CCDC178: variants seen among roughly 807,000 people sequenced by gnomAD.
The protein encoded by CCDC178 is coiled-coil domain containing 178.
Under a neutral mutation model 117.4 loss-of-function variants are expected in CCDC178, and 126 were observed. The observed-to-expected ratio is 1.07, with a 90% CI of 0.93 to 1.24. CCDC178 has a LOEUF of 1.24. CCDC178 is among the 50% of genes most tolerant of loss of function. The pLI, the probability that CCDC178 is intolerant of heterozygous loss-of-function variation, is 0.00. For synonymous variants in CCDC178, 283 were observed against 313.4 expected, an observed-to-expected ratio of 0.90 and a Z score of 1.02; for missense variants, 1,030 against 986.9, an observed-to-expected ratio of 1.04 and a Z score of -0.59.
At position 33,160,345 on chromosome 18, in the gene CCDC178, A is replaced by G. The variant is rs186928815; in HGVS notation, c.2238+51551T>C. ...CAGATGTCCTCTTTTAATTTACTTGACATATATGTCTTTTTAGCCACGTTT... is the reference window on the plus strand; with the variant it reads ...CAGATGTCCTCTTTTAATTTACTTGGCATATATGTCTTTTTAGCCACGTTT... On this transcript the variant is annotated intron_variant, in intron 20 of 22. Transcript: ENST00000383096. 1.7e-4 allele frequency among the ~76,000 whole-genome samples: 26 copies of G among 152,266 alleles called. No homozygotes were observed. In the East Asian group the frequency reaches 4.2e-3, roughly 25 times the overall value.
At chr18:33,233,202 T>C (rs1403326139) in intron 15 of CCDC178, among the ~76,000 whole-genome samples, 1 of 152,144 alleles carries the variant, frequency 6.6e-6, no homozygotes, top group Non-Finnish European at 1.5e-5. Context: ...AAGTTGTATT[T>C]TTAGAAATAA....
At chr18:32,939,942 C>A (rs368779378) in intron 22 of CCDC178, among the ~76,000 whole-genome samples, 156 of 152,110 alleles carry the variant, frequency 1.0e-3, no homozygotes, top group African/African-American at 3.6e-3. Flanking sequence ...CTAGATGAAG[C>A]CTTGCTTTAA....
At chr18:33,359,390 T>TAAAA in intron 6 of CCDC178, among the ~76,000 whole-genome samples, 1 of 151,714 alleles carries the variant, frequency 6.6e-6, no homozygotes, top group Non-Finnish European at 1.5e-5. Context: ...ATTAAAAAAT[T>TAAAA]ACTTTAGTCA....
intron 21 of CCDC178, among the ~76,000 whole-genome samples, chr18:33,077,354 G>T (rs911230832): frequency 3.9e-5 from 6 of 152,064 alleles, no homozygotes; most frequent in African/African-American, 1.4e-4. Flanking sequence ...TGCATATGTT[G>T]AAGTCCTAAC....
intron 5 of CCDC178, among the ~76,000 whole-genome samples, chr18:33,384,695 C>A (rs537275958): frequency 6.6e-6 from 1 of 152,266 alleles, no homozygotes; most frequent in African/African-American, 2.4e-5. Context: ...GTCTGCCTTG[C>A]AAGAGCTTCT....
chr18:33,120,184 T>G (rs1395840024), intron 20 of CCDC178, among the ~76,000 whole-genome samples: 1 of 146,854 alleles, frequency 6.8e-6, no homozygotes, highest in Non-Finnish European at 1.5e-5. Flanking sequence ...TAAAGTATAA[T>G]AATAAAGAAA....
At position 33,035,761 on chromosome 18, in the gene CCDC178, T is replaced by C. The variant is rs1157756541; in HGVS notation, c.2388+57000A>G. On this transcript the variant is annotated intron_variant, in intron 21 of 22. Coordinates refer to ENST00000383096, the MANE Select transcript of CCDC178 (RefSeq NM_001105528.4). ...TCATTACATATTGCATAAGTATTAA[T>C]ATATCAAATCATCACATTGTATACC... Among the ~76,000 whole-genome samples the C allele has an allele frequency of 5.3e-5, 8 of 152,140 alleles. No homozygotes were observed. The East Asian group carries it at 1.5e-3, about 29-fold the overall frequency.
intron 5 of CCDC178, among the ~76,000 whole-genome samples, chr18:33,388,228 C>T (rs1255762247): frequency 6.6e-6 from 1 of 152,020 alleles, no homozygotes; most frequent in Non-Finnish European, 1.5e-5. Flanking sequence ...ATGCTAGTGA[C>T]GTTGCAGAGA....
chr18:33,333,333 A>T lies in CCDC178; in HGVS notation c.720T>A (p.Asn240Lys). ...TTTGTTTTTCAAAATGTTGTAGTTG[A>T]TTAGCTTTATCTTCAAGATGCCATT... Reference protein sequence around the residue: ...ELQWHLEDKANQLQHFEKQKT... With the variant: ...ELQWHLEDKAKQLQHFEKQKT... The change falls in exon 10 of 23, where the codon AAT (asparagine) becomes AAA (lysine). Residue 240 changes from asparagine (N) to lysine (K), a missense_variant. Asn to Lys is a moderately conservative substitution (Grantham distance 94). Transcript: ENST00000383096. 1 of 1,612,568 alleles carries T rather than the reference A, an allele frequency of 6.2e-7. No individual in the cohort carries two copies. The highest frequency in any genetic ancestry group is 8.5e-7 in the Non-Finnish European group (1 of 1,179,262).
At chr18:33,386,963 A>G (rs2063501796) in intron 5 of CCDC178, among the ~76,000 whole-genome samples, 2 of 152,126 alleles carry the variant, frequency 1.3e-5, no homozygotes, top group South Asian at 4.1e-4. Context: ...TTATCTAGAA[A>G]ACCCCATCGA....
In CCDC178 at chr18:33,429,372, C is replaced by CAG. The variant is rs1235900552; in HGVS notation, c.-23+10588_-23+10589dup. On this transcript the variant is annotated intron_variant, in intron 2 of 22. Transcript: ENST00000383096. The stretch of plus-strand genomic sequence containing the variant: ...AGAAGGAGGGAGGGGGAGAGAGAGA[C>CAG]AGACAGAGAGAGAGAGAGAGCAAGC... Among the ~76,000 whole-genome samples, 309 of 149,800 alleles carry CAG rather than the reference C, an allele frequency of 2.1e-3. 1 individual carries two copies. The highest frequency in any genetic ancestry group is 0.011 in the Admixed American group (166 of 15,020).
intron 12 of CCDC178, among the ~76,000 whole-genome samples, chr18:33,289,929 A>C (rs2060146785): frequency 1.3e-5 from 2 of 152,164 alleles, no homozygotes; most frequent in African/African-American, 4.8e-5. Context: ...CACAAACTTT[A>C]TTAATAATTC....
intron 6 of CCDC178, among the ~76,000 whole-genome samples, chr18:33,363,835 G>C (rs1260295866): frequency 6.6e-6 from 1 of 152,076 alleles, no homozygotes; most frequent in East Asian, 1.9e-4. Flanking sequence ...ATTGTAGTTT[G>C]CATTTGGGGA....
intron 22 of CCDC178, among the ~76,000 whole-genome samples, chr18:32,961,655 G>A (rs889430344): frequency 1.3e-5 from 2 of 152,058 alleles, no homozygotes; most frequent in African/African-American, 4.8e-5. Context: ...TCAGGCATTC[G>A]ATTCTCATAA....
intron 20 of CCDC178, among the ~76,000 whole-genome samples, chr18:33,206,859 C>CTCTA (rs1311852223): frequency 6.6e-6 from 1 of 152,122 alleles, no homozygotes; most frequent in African/African-American, 2.4e-5. Context: ...GGTAAGTTTG[C>CTCTA]TAGAAGCCCC....
At chr18:33,281,045 A>T (rs2060019057) in intron 12 of CCDC178, among the ~76,000 whole-genome samples, 1 of 152,060 alleles carries the variant, frequency 6.6e-6, no homozygotes, top group Non-Finnish European at 1.5e-5. Flanking sequence ...TGGCACATGG[A>T]TACATATGTA....
intron 21 of CCDC178, among the ~76,000 whole-genome samples, chr18:33,026,779 C>T (rs748210874): frequency 6.6e-6 from 1 of 151,630 alleles, no homozygotes; most frequent in Non-Finnish European, 1.5e-5. Context: ...AAACATAAGA[C>T]AAATGAAGAA....
chr18:33,192,774 G>A (rs1036104096), intron 20 of CCDC178, among the ~76,000 whole-genome samples: 8 of 151,668 alleles, frequency 5.3e-5, no homozygotes, highest in South Asian at 2.1e-4. Flanking sequence ...GGTGGCGGGT[G>A]CCTGTAATCC....
intron 14 of CCDC178, among the ~76,000 whole-genome samples, chr18:33,258,612 C>G: frequency 6.6e-6 from 1 of 152,116 alleles, no homozygotes; most frequent in East Asian, 1.9e-4. Flanking sequence ...TTTTCCTATA[C>G]AACAATGTAA....
Sources: gnomAD v4.1 joint callset for allele counts (sites outside exome capture counted in the v4.1 genomes callset) on GRCh38, gnomAD v4.1.1 for gene constraint, MANE v1.5 for transcripts, NCBI Gene and HGNC (gene_info 2026-07-23, HGNC 2026-07-21) for gene names.